FBLN5: variants seen among roughly 807,000 people sequenced by gnomAD.
FBLN5 encodes fibulin 5, also known as fibulin-5.
Under a neutral mutation model 61.6 loss-of-function variants are expected in FBLN5, and 24 were observed. The ratio of observed to expected loss-of-function variants is 0.39; its 90% CI spans 0.28 to 0.55. The LOEUF (loss-of-function observed/expected upper bound fraction) is 0.55, where lower values mean the gene tolerates loss of function less well. Ranked by LOEUF, FBLN5 falls within the 20% of genes least tolerant of loss-of-function variation. FBLN5 has a pLI of 0.65. For synonymous variants in FBLN5, 213 were observed against 219.8 expected (o/e 0.97, Z 0.27); for missense variants, 470 against 594.1 (o/e 0.79, Z 2.17).
At chr14:91,888,608 C>CAAAA (rs34117518) in intron 6 of FBLN5, among the ~76,000 whole-genome samples, 1 of 113,754 alleles carries the variant, frequency 8.8e-6, no homozygotes, top group Admixed American at 9.9e-5. Flanking sequence ...GACTCTGTCT[C>CAAAA]AAAAAAAAAA....
chr14:91,930,827 C>A (rs534780480), intron 4 of FBLN5, among the ~76,000 whole-genome samples: 1 of 152,138 alleles, frequency 6.6e-6, no homozygotes, highest in African/African-American at 2.4e-5. Flanking sequence ...CGAGTGAAGC[C>A]ACATCAGGCT....
chr14:91,935,687 T>C (rs1201699578), intron 4 of FBLN5, among the ~76,000 whole-genome samples: 2 of 152,170 alleles, frequency 1.3e-5, no homozygotes, highest in African/African-American at 4.8e-5. Flanking sequence ...AATGAAGAAG[T>C]TGAAGTTAAA....
Position 91,947,432 on chromosome 14 carries a change from C to T in FBLN5, c.-203G>A. 1 of 649,364 alleles carries T rather than the reference C, an allele frequency of 1.5e-6. No individual in the cohort carries two copies. Among genetic ancestry groups the T allele is most frequent in the Admixed American group, 2.7e-5 (1 of 37,688 alleles). The allele number at this position is 649,364 out of a possible 1,614,324, so 40.2% of individuals were successfully genotyped here. Reference sequence around the variant, plus strand: ...CACTGCAGAGCCCTCAGCGCAAGCACCTGGTTTTGCTTAGCCCTCTTCAGT... The same window carrying T: ...CACTGCAGAGCCCTCAGCGCAAGCATCTGGTTTTGCTTAGCCCTCTTCAGT... On this transcript the variant is annotated 5_prime_UTR_variant, in exon 1 of 11. In the 5' UTR this introduces an upstream ATG that the reference lacks. Coordinates refer to ENST00000342058, the MANE Select transcript of FBLN5 (RefSeq NM_006329.4). The surrounding 1 kb of genome is among the most constrained non-coding windows in gnomAD (Gnocchi z 4.3).
chr14:91,944,619 A>G (rs1420393887), intron 1 of FBLN5, among the ~76,000 whole-genome samples: 1 of 152,256 alleles, frequency 6.6e-6, no homozygotes, highest in African/African-American at 2.4e-5. Context: ...TTCAGTCTTA[A>G]AAAGGAAGGA....
At chr14:91,933,306 G>C (rs938791562) in intron 4 of FBLN5, among the ~76,000 whole-genome samples, 2 of 152,022 alleles carry the variant, frequency 1.3e-5, no homozygotes, top group Non-Finnish European at 2.9e-5. Context: ...GCAGAGTCTT[G>C]CTCTGTCGCC....
intron 4 of FBLN5, among the ~76,000 whole-genome samples, chr14:91,922,841 G>A (rs1311476994): frequency 1.3e-5 from 2 of 152,156 alleles, no homozygotes; most frequent in Non-Finnish European, 2.9e-5. Context: ...TCATCACAGT[G>A]AGAGCCAATT....
At chr14:91,897,668 G>A (rs566782792) in intron 4 of FBLN5, among the ~76,000 whole-genome samples, 77 of 152,194 alleles carry the variant, frequency 5.1e-4, no homozygotes, top group Admixed American at 2.6e-3. Flanking sequence ...GGGCCCCATC[G>A]TGGGCATGTG....
chr14:91,908,005 A>C (rs1201775016), intron 4 of FBLN5, among the ~76,000 whole-genome samples: 1 of 152,232 alleles, frequency 6.6e-6, no homozygotes, highest in African/African-American at 2.4e-5. Flanking sequence ...TAAGCTCCCC[A>C]AAATATATTC....
chr14:91,872,128 A>G (rs780087543), intron 10 of FBLN5, among the ~76,000 whole-genome samples: 7 of 152,158 alleles, frequency 4.6e-5, no homozygotes, highest in Non-Finnish European at 1.0e-4. Context: ...ATGACTCATT[A>G]CTTCCCCGTT....
At chr14:91,926,161 T>A (rs2430372) in intron 4 of FBLN5, among the ~76,000 whole-genome samples, 11,363 of 152,130 alleles carry the variant, frequency 0.075, 599 homozygotes, top group African/African-American at 0.14. Context: ...CCCACCCACT[T>A]CCCTGAACCC....
chr14:91,921,345 A>G (rs925202034), intron 4 of FBLN5, among the ~76,000 whole-genome samples: 40 of 152,190 alleles, frequency 2.6e-4, no homozygotes, highest in South Asian at 4.1e-4. Context: ...CCTTCAGCCA[A>G]TAGCCAGCTA....
chr14:91,881,868 TG>T (rs1363475551), intron 8 of FBLN5, among the ~76,000 whole-genome samples: 1 of 152,032 alleles, frequency 6.6e-6, no homozygotes, highest in African/African-American at 2.4e-5. Context: ...AATAATATTT[TG>T]GATATACTGC....
chr14:91,883,284 T>A (rs967218118), intron 7 of FBLN5, among the ~76,000 whole-genome samples: 4 of 152,234 alleles, frequency 2.6e-5, no homozygotes, highest in Non-Finnish European at 5.9e-5. Flanking sequence ...CAGCTCTAAT[T>A]GTCAGAAAAT....
At chr14:91,905,357 T>C (rs1222941513) in intron 4 of FBLN5, among the ~76,000 whole-genome samples, 1 of 151,918 alleles carries the variant, frequency 6.6e-6, no homozygotes, top group Non-Finnish European at 1.5e-5. Context: ...AACAAGCATG[T>C]GAGGGCGCTG....
intron 4 of FBLN5, among the ~76,000 whole-genome samples, chr14:91,925,882 G>A (rs1425289580): frequency 6.6e-6 from 1 of 152,214 alleles, no homozygotes; most frequent in Admixed American, 6.5e-5. Flanking sequence ...GGAACAAGGA[G>A]ACTCTTGGTC....
chr14:91,915,410 G>A (rs916675369), intron 4 of FBLN5, among the ~76,000 whole-genome samples: 2 of 152,086 alleles, frequency 1.3e-5, no homozygotes, highest in African/African-American at 2.4e-5. Flanking sequence ...TAGCGGCCAA[G>A]CACGGTGGCT....
chr14:91,906,941 G>T (rs1890709058), intron 4 of FBLN5, among the ~76,000 whole-genome samples: 1 of 152,208 alleles, frequency 6.6e-6, no homozygotes. Context: ...ACAGACAAGG[G>T]ACGAGGTAAT....
At chr14:91,883,133 C>A (rs1889555438) in intron 7 of FBLN5, 57 bp from the exon 8 acceptor site, 1 of 1,598,916 alleles carries the variant, frequency 6.3e-7, no homozygotes, top group Non-Finnish European at 8.6e-7. Context: ...GGGATGGGAG[C>A]TTAGTGGCCA....
chr14:91,891,872 T>C (rs1890011928), intron 5 of FBLN5, among the ~76,000 whole-genome samples: 2 of 152,308 alleles, frequency 1.3e-5, no homozygotes, highest in Middle Eastern at 3.4e-3. Context: ...AATGAATATG[T>C]CCAGCTGTCA....
Sources: allele counts gnomAD v4.1 joint callset (sites outside exome capture counted in the v4.1 genomes callset), GRCh38; gene constraint gnomAD v4.1.1; non-coding constraint Gnocchi (gnomAD v3.1); transcripts MANE v1.5; gene names NCBI Gene and HGNC (gene_info 2026-07-23, HGNC 2026-07-21).